MGRN1: variants seen among roughly 807,000 people sequenced by gnomAD.
MGRN1 encodes mahogunin ring finger 1.
A neutral mutation model predicts 69.2 loss-of-function variants in MGRN1; 29 were observed. The observed-to-expected ratio is 0.42, with a 90% CI of 0.31 to 0.57. MGRN1 has a LOEUF of 0.57. Among genes scored for constraint, MGRN1 ranks in the 20% least tolerant of loss-of-function variants. The pLI is 0.15. For synonymous variants in MGRN1, 470 were observed against 344.2 expected (o/e 1.37, Z -4.04); for missense variants, 998 against 796.2 (o/e 1.25, Z -3.05).
chr16:4,624,852 T>A lies in MGRN1; in HGVS notation c.-109T>A, dbSNP rs969812891. 22 of 914,300 alleles carry A rather than the reference T, an allele frequency of 2.4e-5. No individual in the cohort carries two copies. The African/African-American group carries it at 3.5e-4, about 14-fold the overall frequency. 56.6% of individuals were successfully genotyped at this position (914,300 alleles called of 1,614,324 possible). ...GGGGCTCGAGGCGCCTCCGCGGCCG[T>A]GGACGAGCGTCCGTGCGGCCTGGTC... On this transcript the variant is annotated 5_prime_UTR_variant, in exon 1 of 17. Coordinates refer to ENST00000262370, the MANE Select transcript of MGRN1 (RefSeq NM_015246.4).
At chr16:4,647,437 C>T (rs947854330) in intron 1 of MGRN1, among the ~76,000 whole-genome samples, 3 of 152,214 alleles carry the variant, frequency 2.0e-5, no homozygotes, top group African/African-American at 7.2e-5. Flanking sequence ...GGAAGGCATC[C>T]TGGGCTCACT....
chr16:4,644,935 CT>C (rs2078242690), intron 1 of MGRN1, among the ~76,000 whole-genome samples: 1 of 152,118 alleles, frequency 6.6e-6, no homozygotes, highest in Non-Finnish European at 1.5e-5. Context: ...AACAAACACT[CT>C]TCTTCCTTGT....
At chr16:4,681,906 C>T (rs1462500121) in intron 13 of MGRN1, 130 bp downstream of exon 13, 2 of 945,602 alleles carry the variant, frequency 2.1e-6, no homozygotes, top group Non-Finnish European at 3.1e-6. Flanking sequence ...CTCGGAGACC[C>T]CGTATCAGGT....
At chr16:4,654,769 T>G (rs148975980) in intron 4 of MGRN1, among the ~76,000 whole-genome samples, 31 of 152,260 alleles carry the variant, frequency 2.0e-4, no homozygotes, top group African/African-American at 7.2e-4. Context: ...GTGCTCGAGT[T>G]GAGGGGCTGG....
chr16:4,640,875 C>T (rs1276999690), intron 1 of MGRN1, among the ~76,000 whole-genome samples: 9 of 152,196 alleles, frequency 5.9e-5, no homozygotes, highest in African/African-American at 2.2e-4. Context: ...GTGTGCGCCC[C>T]AGCTCCACCG....
At chr16:4,625,109 CGCGGGGGCGGGGACTCGGG>C in intron 1 of MGRN1, 61 bp downstream of exon 1, 1 of 1,432,634 alleles carries the variant, frequency 7.0e-7, no homozygotes, top group Non-Finnish European at 9.2e-7. Context: ...ACCCGGCGGG[CGCGGGGGCGGGGACTCGGG>C]GCGGGGCGCC....
intron 8 of MGRN1, chr16:4,671,170 TG>T: frequency 1.7e-6 from 1 of 580,532 alleles, no homozygotes; most frequent in South Asian, 2.0e-5. Context: ...CCCCCAGTAG[TG>T]GGGAGAGCCA....
chr16:4,672,026 C>T (rs572633173), intron 9 of MGRN1, among the ~76,000 whole-genome samples: 1 of 152,320 alleles, frequency 6.6e-6, no homozygotes, highest in African/African-American at 2.4e-5. Flanking sequence ...CTGCCTCAGC[C>T]TCCTGAGTAG....
chr16:4,635,089 G>A (rs1477515256), intron 1 of MGRN1: 1 of 152,122 alleles, frequency 6.6e-6, no homozygotes, highest in Non-Finnish European at 1.5e-5. Context: ...AAGTGTGTGT[G>A]TACATATACT....
Position 4,684,854 on chromosome 16 carries a change from C to T in MGRN1, c.1618+922C>T, listed in dbSNP as rs112398958. On this transcript the variant is annotated intron_variant, in intron 16 of 16. Coordinates refer to ENST00000262370, the MANE Select transcript of MGRN1 (RefSeq NM_015246.4). The stretch of plus-strand genomic sequence containing the variant: ...TGCTTAGGGAGTGTGGCTCTTCCCT[C>T]GCGGCTGCCAGGCTTCACCCGCTTC... Among the ~76,000 whole-genome samples the T allele has an allele frequency of 3.8e-3, 583 of 152,354 alleles. 4 individuals are homozygous for T. Among genetic ancestry groups the T allele is most frequent in the African/African-American group, 0.013 (555 of 41,582 alleles).
chr16:4,637,409 G>A (rs991687892), intron 1 of MGRN1, among the ~76,000 whole-genome samples: 15 of 151,990 alleles, frequency 9.9e-5, no homozygotes, highest in African/African-American at 2.7e-4. Context: ...CAGCCTGAGC[G>A]ACAGAGTGAG....
At chr16:4,688,225 AAGCCCCAGGGACGCC>A (rs2079377729) in intron 16 of MGRN1, 1 of 985,688 alleles carries the variant, frequency 1.0e-6, no homozygotes, top group Non-Finnish European at 1.2e-6. Flanking sequence ...ACCATTGCCC[AAGCCCCAGGGACGCC>A]AGACCCATCT....
intron 16 of MGRN1, 58 bp from the exon 17 acceptor site, chr16:4,688,738 G>A (rs898122546): frequency 2.7e-6 from 4 of 1,501,416 alleles, no homozygotes; most frequent in Non-Finnish European, 3.6e-6. Flanking sequence ...CGGTAGGAGC[G>A]GGTGGCGTGG....
At chr16:4,631,069 A>C (rs1002131881) in intron 1 of MGRN1, among the ~76,000 whole-genome samples, 2 of 149,256 alleles carry the variant, frequency 1.3e-5, no homozygotes, top group African/African-American at 2.5e-5. Flanking sequence ...CAATCTGCCC[A>C]CCTTGGCCTT....
At chr16:4,683,331 G>A in intron 15 of MGRN1, 62 bp downstream of exon 15, 1 of 1,578,264 alleles carries the variant, frequency 6.3e-7, no homozygotes, top group African/African-American at 1.3e-5. Context: ...TGGCTTACTG[G>A]GGCCTTAGGG....
At chr16:4,665,256 C>CCT in intron 7 of MGRN1, 105 bp downstream of exon 7, 1 of 1,290,350 alleles carries the variant, frequency 7.7e-7, no homozygotes, top group Non-Finnish European at 1.1e-6. Flanking sequence ...GGTGGGGTGG[C>CCT]TGAGTGTCAA....
chr16:4,664,847 T>C, intron 6 of MGRN1, 72 bp downstream of exon 6: 1 of 1,577,510 alleles, frequency 6.3e-7, no homozygotes, highest in Non-Finnish European at 8.7e-7. Flanking sequence ...GAGGGAGGAG[T>C]GCTTGCAGCA....
intron 10 of MGRN1, among the ~76,000 whole-genome samples, chr16:4,674,601 C>CT (rs765816998): frequency 9.2e-4 from 60 of 64,926 alleles, no homozygotes; most frequent in African/African-American, 3.3e-3. Flanking sequence ...CTTTTCTTTT[C>CT]TTTTTTTTTC....
intron 1 of MGRN1, among the ~76,000 whole-genome samples, chr16:4,625,795 C>T (rs1013716473): frequency 1.4e-4 from 21 of 152,318 alleles, no homozygotes; most frequent in Admixed American, 2.6e-4. Context: ...TGACTGGGAG[C>T]ATCTAGCTCC....
Sources: allele counts gnomAD v4.1 joint callset (sites outside exome capture counted in the v4.1 genomes callset), GRCh38; gene constraint gnomAD v4.1.1; transcripts MANE v1.5; gene names NCBI Gene and HGNC (gene_info 2026-07-23, HGNC 2026-07-21).